Variants in NT5DC1 observed in about 807,000 individuals in gnomAD.
The protein encoded by NT5DC1 is 5'-nucleotidase domain containing 1.
In NT5DC1, 42 loss-of-function variants were observed where a neutral mutation model predicts 59.4. The observed-to-expected ratio is 0.71, with a 90% CI of 0.55 to 0.92. The LOEUF (loss-of-function observed/expected upper bound fraction) is 0.92, where lower values mean the gene tolerates loss of function less well. Among genes scored for constraint, NT5DC1 ranks in the 40% least tolerant of loss-of-function variants. NT5DC1 has a pLI of 0.00. For missense variants in NT5DC1, 501 were observed against 537.1 expected, an observed-to-expected ratio of 0.93 and a Z score of 0.66; for synonymous variants, 172 against 188.1, an observed-to-expected ratio of 0.91 and a Z score of 0.70.
At chr6:116,138,572 G>C (rs577202762) in intron 6 of NT5DC1, among the ~76,000 whole-genome samples, 1 of 151,990 alleles carries the variant, frequency 6.6e-6, no homozygotes, top group Non-Finnish European at 1.5e-5. Context: ...TGCGAATGTC[G>C]ATATATTTGT....
chr6:116,121,193 C>T, intron 6 of NT5DC1: 1 of 1,613,450 alleles, frequency 6.2e-7, no homozygotes, highest in Non-Finnish European at 8.5e-7. Context: ...TCCTCTTTCT[C>T]CCTTCAGGCC....
At chr6:116,125,700 G>T (rs189117705) in intron 6 of NT5DC1, 2 of 458,958 alleles carry the variant, frequency 4.4e-6, no homozygotes, top group Non-Finnish European at 7.8e-6. Context: ...ATTTTTGGAA[G>T]CTATACTCAG....
intron 6 of NT5DC1, among the ~76,000 whole-genome samples, chr6:116,186,011 G>T (rs1224065007): frequency 6.6e-6 from 1 of 151,934 alleles, no homozygotes; most frequent in African/African-American, 2.4e-5. Context: ...GTATTTCAAG[G>T]ATTTCTTTCA....
rs557319567 is a variant in NT5DC1, at chr6:116,197,488, C to T, written c.530-23566C>T. Reference sequence around the variant, plus strand: ...CATTCTTGACCTTCACCACCTTTTACCTCTGCCACCCAAGTTTTAAGAACA... The same window carrying T: ...CATTCTTGACCTTCACCACCTTTTATCTCTGCCACCCAAGTTTTAAGAACA... On this transcript the variant is annotated intron_variant, in intron 6 of 11. Transcript: ENST00000319550. 2.9e-4 allele frequency among the ~76,000 whole-genome samples: 44 copies of T among 152,150 alleles called. 1 individual carries two copies. Among genetic ancestry groups the T allele is most frequent in the African/African-American group, 9.6e-4 (40 of 41,546 alleles).
intron 6 of NT5DC1, among the ~76,000 whole-genome samples, chr6:116,157,879 A>C (rs2114417321): frequency 6.6e-6 from 1 of 152,340 alleles, no homozygotes; most frequent in East Asian, 1.9e-4. Context: ...TACGTCTTTT[A>C]GGCTAGTAAT....
chr6:116,210,578 C>T (rs1378446514), intron 6 of NT5DC1, among the ~76,000 whole-genome samples: 2 of 151,896 alleles, frequency 1.3e-5, no homozygotes, highest in African/African-American at 4.8e-5. Context: ...TCATATAGGA[C>T]CTGTTCCTGG....
At chr6:116,182,915 T>G (rs1029351999) in intron 6 of NT5DC1, among the ~76,000 whole-genome samples, 2 of 152,166 alleles carry the variant, frequency 1.3e-5, no homozygotes, top group Non-Finnish European at 2.9e-5. Flanking sequence ...TTTGTTGAAT[T>G]TGCTTTTGAG....
At chr6:116,163,052 G>A (rs527353623) in intron 6 of NT5DC1, among the ~76,000 whole-genome samples, 5 of 149,592 alleles carry the variant, frequency 3.3e-5, no homozygotes, top group African/African-American at 4.9e-5. Flanking sequence ...GCGTGAACCC[G>A]GGAGGTGGAG....
chr6:116,117,600 G>A (rs529595578), intron 5 of NT5DC1, among the ~76,000 whole-genome samples: 99 of 152,232 alleles, frequency 6.5e-4, no homozygotes, highest in African/African-American at 2.2e-3. Context: ...TCAAAAGAAA[G>A]CCTATTTTAT....
intron 8 of NT5DC1, among the ~76,000 whole-genome samples, chr6:116,225,509 A>G (rs1466031116): frequency 6.6e-6 from 1 of 152,162 alleles, no homozygotes; most frequent in Non-Finnish European, 1.5e-5. Flanking sequence ...AAGCCAGAGG[A>G]AAGAGGAAAG....
At chr6:116,242,804 C>G (rs563206711) in intron 11 of NT5DC1, among the ~76,000 whole-genome samples, 1 of 152,234 alleles carries the variant, frequency 6.6e-6, no homozygotes, top group Non-Finnish European at 1.5e-5. Flanking sequence ...GAGGAGACAA[C>G]CAGCAGAGTC....
chr6:116,239,701 C>G (rs1252954023), intron 11 of NT5DC1, among the ~76,000 whole-genome samples: 1 of 152,144 alleles, frequency 6.6e-6, no homozygotes, highest in African/African-American at 2.4e-5. Flanking sequence ...ATTATTAGTG[C>G]CCCTGCACAC....
intron 6 of NT5DC1, among the ~76,000 whole-genome samples, chr6:116,200,411 A>G (rs992957523): frequency 1.3e-5 from 2 of 152,050 alleles, no homozygotes; most frequent in Admixed American, 6.6e-5. Flanking sequence ...GTTAATAATA[A>G]TGTATTGGTA....
At chr6:116,200,755 G>C (rs1313691245) in intron 6 of NT5DC1, among the ~76,000 whole-genome samples, 1 of 151,864 alleles carries the variant, frequency 6.6e-6, no homozygotes, top group Non-Finnish European at 1.5e-5. Flanking sequence ...CCACTAGCTT[G>C]GAGCAGTTTC....
At chr6:116,167,945 ATAGTC>A (rs974993250) in intron 6 of NT5DC1, among the ~76,000 whole-genome samples, 59 of 152,246 alleles carry the variant, frequency 3.9e-4, no homozygotes, top group East Asian at 2.3e-3. Context: ...TTTCTGCACT[ATAGTC>A]TAGTTTCTAT....
chr6:116,248,965 A>G lies in NT5DC1; in HGVS notation c.*4941A>G, dbSNP rs1471564017. On this transcript the variant is annotated 3_prime_UTR_variant, in exon 12 of 12. Coordinates refer to ENST00000319550, the MANE Select transcript of NT5DC1 (RefSeq NM_152729.3). ...GCGCCAGCCTATTACAGTGAATGCT[A>G]TTGGTTAGACTAAAGCAGATAATAA... is the stretch of plus-strand genomic sequence containing the variant. The G allele has an allele frequency of 6.6e-6, 1 of 152,244 alleles. No homozygotes were observed. The highest frequency in any genetic ancestry group is 1.5e-5 in the Non-Finnish European group (1 of 68,038). The allele number at this position is 152,244 out of a possible 1,614,324, so 9.4% of individuals were successfully genotyped here.
At chr6:116,213,187 G>A (rs1467457050) in intron 6 of NT5DC1, among the ~76,000 whole-genome samples, 1 of 152,038 alleles carries the variant, frequency 6.6e-6, no homozygotes, top group African/African-American at 2.4e-5. Flanking sequence ...AAACGTGGGG[G>A]TCTCTCCTGT....
intron 6 of NT5DC1, among the ~76,000 whole-genome samples, chr6:116,192,569 TC>T (rs1191238071): frequency 6.6e-6 from 1 of 152,098 alleles, no homozygotes; most frequent in Non-Finnish European, 1.5e-5. Flanking sequence ...TAAACTATTT[TC>T]TTTTGATATA....
rs377242477 is a variant in NT5DC1, at chr6:116,238,391, A to G, written c.1083+43A>G. 14 of 1,392,530 alleles carry G rather than the reference A, an allele frequency of 1.0e-5. No homozygotes were observed. The African/African-American group carries it at 1.9e-4, about 19-fold the overall frequency. 86.3% of individuals were successfully genotyped at this position (1,392,530 alleles called of 1,614,324 possible). ...CTCTTTCCTTGAAAGACAAATATTTATGTTTGAAAGCTAAAGTATCTTTAT... is the reference window on the plus strand; with the variant it reads ...CTCTTTCCTTGAAAGACAAATATTTGTGTTTGAAAGCTAAAGTATCTTTAT... On this transcript the variant is annotated intron_variant, in intron 10 of 11. Transcript: ENST00000319550.
Sources: gnomAD v4.1 joint callset for allele counts (sites outside exome capture counted in the v4.1 genomes callset) on GRCh38, gnomAD v4.1.1 for gene constraint, MANE v1.5 for transcripts, NCBI Gene and HGNC (gene_info 2026-07-23, HGNC 2026-07-21) for gene names.